The following SCARB1 variants were observed in gnomAD, a reference collection of about 807,000 sequenced individuals.
SCARB1 encodes the protein CD36 and LIMPII analogous 1.
Under a neutral mutation model 57.2 loss-of-function variants are expected in SCARB1, and 30 were observed. That is an observed-to-expected ratio of 0.52 (90% CI 0.39 to 0.71). The LOEUF is 0.71. Among genes scored for constraint, SCARB1 ranks in the 30% least tolerant of loss-of-function variants. The pLI is 0.00. For synonymous variants in SCARB1, 249 were observed against 268.3 expected (o/e 0.93, Z 0.70); for missense variants, 543 against 671.2 (o/e 0.81, Z 2.11).
chr12:124,809,733 G>A (rs1015461776), intron 6 of SCARB1, among the ~76,000 whole-genome samples: 2 of 152,202 alleles, frequency 1.3e-5, no homozygotes, highest in Non-Finnish European at 2.9e-5. Flanking sequence ...GAAAAGGGCT[G>A]TAGGAGCCAC....
rs142396253 is a variant in SCARB1 at position 124,825,810 on chromosome 12, G to A, written c.127-8103C>T. Among the ~76,000 whole-genome samples, 350 of 152,246 alleles carry A rather than the reference G, an allele frequency of 2.3e-3. 1 individual carries two copies. Among genetic ancestry groups the A allele is most frequent in the Non-Finnish European group, 3.8e-3 (256 of 68,008 alleles). Reference sequence around the variant, plus strand: ...TCTTGACAGAAGGACAAATACTGCAGGACAAATACTTCCAGATTTGTCTTT... The same window carrying A: ...TCTTGACAGAAGGACAAATACTGCAAGACAAATACTTCCAGATTTGTCTTT... On this transcript the variant is annotated intron_variant, in intron 1 of 12. Coordinates refer to ENST00000261693, the MANE Select transcript of SCARB1 (RefSeq NM_005505.5).
chr12:124,838,355 G>A (rs538605564), intron 1 of SCARB1, among the ~76,000 whole-genome samples: 1 of 152,208 alleles, frequency 6.6e-6, no homozygotes, highest in East Asian at 1.9e-4. Context: ...CATCCTCCCC[G>A]TGGCAGTGCA....
chr12:124,814,329 T>C lies in SCARB1; in HGVS notation c.503A>G (p.Glu168Gly). The change falls in exon 4 of 13, where the codon GAA becomes GGA. Residue 168 changes from glutamate to glycine, a missense_variant. Coordinates refer to ENST00000261693, the MANE Select transcript of SCARB1 (RefSeq NM_005505.5). The surrounding 1 kb of genome is among the most constrained non-coding windows in gnomAD (Gnocchi z 4.7). ...IMTLAFTTLG[E>G]RAFMNRTVGE... ...CACAGTGCGGTTCATGAAGGCACGT[T>C]CGCCGAGGGTGGTGAATGCCAAGGT... is the stretch of plus-strand genomic sequence containing the variant. 6.2e-7 allele frequency: 1 copy of C among 1,614,166 alleles called. No individual in the cohort carries two copies. Among genetic ancestry groups the C allele is most frequent in the Non-Finnish European group, 8.5e-7 (1 of 1,180,028 alleles).
At chr12:124,854,881 T>C (rs1566263022) in intron 1 of SCARB1, among the ~76,000 whole-genome samples, 1 of 150,806 alleles carries the variant, frequency 6.6e-6, no homozygotes, top group Non-Finnish European at 1.5e-5. Flanking sequence ...CACTCGGGGG[T>C]GGGGTTCAGG....
Position 124,810,191 on chromosome 12 carries a change from G to A in SCARB1, c.825C>T (p.Tyr275=). The A allele has an allele frequency of 1.2e-6, 2 of 1,613,484 alleles. No homozygotes were observed. The highest frequency in any genetic ancestry group is 1.7e-6 in the Non-Finnish European group (2 of 1,179,440). The stretch of plus-strand genomic sequence containing the variant: ...GTGATTACCGGCAGGCCTCCGGGCT[G>A]TAGAACTCCAGCGAGGACTCAGGAG... ...FMTPESSLEF[Y]SPEACRSMKL... Residue 275 remains tyrosine, a synonymous_variant, in exon 6 of 13, where the codon TAC becomes TAT. Transcript: ENST00000261693. The surrounding 1 kb of genome is among the most constrained non-coding windows in gnomAD (Gnocchi z 4.0).
intron 1 of SCARB1, among the ~76,000 whole-genome samples, chr12:124,842,618 G>A (rs118188201): frequency 1.3e-5 from 2 of 152,348 alleles, no homozygotes; most frequent in East Asian, 1.9e-4. Context: ...AAACGTGGCG[G>A]TCACATCAAC....
At chr12:124,806,965 G>A (rs768050827) in intron 7 of SCARB1, among the ~76,000 whole-genome samples, 2 of 151,924 alleles carry the variant, frequency 1.3e-5, no homozygotes, top group Admixed American at 6.6e-5. Flanking sequence ...TTGGGAGGCC[G>A]AGGCAGGCAG....
At chr12:124,823,709 C>T (rs1387106678) in intron 1 of SCARB1, among the ~76,000 whole-genome samples, 6 of 152,138 alleles carry the variant, frequency 3.9e-5, no homozygotes, top group Non-Finnish European at 8.8e-5. Flanking sequence ...TCGCAATGGG[C>T]GAAAACGACC....
chr12:124,856,452 A>G (rs567272528), intron 1 of SCARB1, among the ~76,000 whole-genome samples: 93 of 152,380 alleles, frequency 6.1e-4, no homozygotes, highest in Middle Eastern at 6.8e-3. Context: ...AGGCAAATCT[A>G]CCAGGAGCAA....
chr12:124,793,242 A>AT (rs947073394), intron 9 of SCARB1, among the ~76,000 whole-genome samples: 1 of 152,046 alleles, frequency 6.6e-6, no homozygotes, highest in Admixed American at 6.6e-5. Context: ...TTCTAAGAGA[A>AT]TTTTTTTTAA....
In SCARB1 at chr12:124,786,416, G is replaced by C. The variant is rs1167076213; in HGVS notation, c.1342C>G (p.Leu448Val). Residue 448 changes from leucine to valine, a missense_variant, in exon 11 of 13, where the codon CTC becomes GTC. Transcript: ENST00000261693. The stretch of plus-strand genomic sequence containing the variant: ...AGCAGGACGCAGCCCAGCGCCAGGA[G>C]GACGTACTGGGCATAGTGCATCACC... ...PKVMHYAQYV[L>V]LALGCVLLLV... 3 of 1,614,148 alleles carry C rather than the reference G, an allele frequency of 1.9e-6. No homozygotes were observed. The highest frequency in any genetic ancestry group is 1.7e-5 in the Admixed American group (1 of 60,026).
At chr12:124,782,949 G>A (rs1315291075) in intron 11 of SCARB1, 138 bp from the exon 12 acceptor site, 11 of 839,702 alleles carry the variant, frequency 1.3e-5, no homozygotes, top group Non-Finnish European at 1.7e-5. Flanking sequence ...CTCAACGATT[G>A]CAGGTGGCTG....
chr12:124,863,534 G>GGCGCCCA (rs1352268341), intron 1 of SCARB1, 61 bp downstream of exon 1: 18 of 1,557,062 alleles, frequency 1.2e-5, no homozygotes, highest in Middle Eastern at 1.7e-4. Flanking sequence ...GGGTCCTCCC[G>GGCGCCCA]GCGCCCAGCG....
chr12:124,860,491 G>A (rs997071376), intron 1 of SCARB1, among the ~76,000 whole-genome samples: 5 of 152,236 alleles, frequency 3.3e-5, no homozygotes, highest in African/African-American at 7.2e-5. Context: ...AGACACACGG[G>A]AACTTGGCTA....
intron 5 of SCARB1, among the ~76,000 whole-genome samples, chr12:124,811,518 C>G (rs1229005437): frequency 1.3e-5 from 2 of 152,166 alleles, no homozygotes; most frequent in African/African-American, 4.8e-5. Context: ...GGTGATCCCC[C>G]CCACCTCGGC....
At chr12:124,856,497 T>C (rs1451434587) in intron 1 of SCARB1, among the ~76,000 whole-genome samples, 2 of 152,218 alleles carry the variant, frequency 1.3e-5, no homozygotes, top group Non-Finnish European at 2.9e-5. Flanking sequence ...AAATAGCCCA[T>C]GTTTTTCAGC....
chr12:124,814,933 G>A lies in SCARB1; in HGVS notation c.426+40C>T. 1 of 1,613,318 alleles carries A rather than the reference G, an allele frequency of 6.2e-7. No homozygotes were observed. The highest frequency in any genetic ancestry group is 8.5e-7 in the Non-Finnish European group (1 of 1,179,724). On this transcript the variant is annotated intron_variant, in intron 3 of 12. Coordinates refer to ENST00000261693, the MANE Select transcript of SCARB1 (RefSeq NM_005505.5). The surrounding 1 kb of genome is among the most constrained non-coding windows in gnomAD (Gnocchi z 4.7). ...GGCGGGAGGAGAGACAGGGGACGAGGTCAGGGTGCGAGGCGGCGTGGGCCA... is the reference window on the plus strand; with the variant it reads ...GGCGGGAGGAGAGACAGGGGACGAGATCAGGGTGCGAGGCGGCGTGGGCCA...
chr12:124,803,304 C>T (rs967656899), intron 7 of SCARB1, among the ~76,000 whole-genome samples: 3 of 152,136 alleles, frequency 2.0e-5, no homozygotes, highest in African/African-American at 7.2e-5. Flanking sequence ...GTCAGCCAGG[C>T]GCAGCGGTTC....
At chr12:124,781,545 G>A (rs572016561) in intron 12 of SCARB1, among the ~76,000 whole-genome samples, 1 of 152,256 alleles carries the variant, frequency 6.6e-6, no homozygotes, top group East Asian at 1.9e-4. Flanking sequence ...AGCCCTACAG[G>A]AACCTGGCCA....
Sources: gnomAD v4.1 joint callset for allele counts (sites outside exome capture counted in the v4.1 genomes callset) on GRCh38, gnomAD v4.1.1 for gene constraint, Gnocchi (gnomAD v3.1) non-coding constraint, MANE v1.5 for transcripts, NCBI Gene and HGNC (gene_info 2026-07-23, HGNC 2026-07-21) for gene names.